The following MYT1L variants were observed in gnomAD, a reference collection of about 807,000 sequenced individuals.
MYT1L encodes the protein myelin transcription factor 1 like.
Under a neutral mutation model 126.7 loss-of-function variants are expected in MYT1L, and 12 were observed. The observed-to-expected ratio is 0.09, with a 90% CI of 0.06 to 0.15. The LOEUF is 0.15. Among genes scored for constraint, MYT1L ranks in the 10% least tolerant of loss-of-function variants. MYT1L has a pLI of 1.00. For missense variants in MYT1L, 979 were observed against 1,585.2 expected, an observed-to-expected ratio of 0.62 and a Z score of 6.49; for synonymous variants, 541 against 604.2, an observed-to-expected ratio of 0.90 and a Z score of 1.53.
intron 21 of MYT1L, among the ~76,000 whole-genome samples, chr2:1,824,159 A>T (rs1440307142): frequency 6.6e-6 from 1 of 152,254 alleles, no homozygotes; most frequent in Non-Finnish European, 1.5e-5. Context: ...AATAGCTAAT[A>T]AAGCAGACTA....
chr2:2,230,286 C>T (rs1027869662), intron 2 of MYT1L, among the ~76,000 whole-genome samples: 1 of 152,222 alleles, frequency 6.6e-6, no homozygotes, highest in Non-Finnish European at 1.5e-5. Flanking sequence ...TCGGTGAACT[C>T]ATCCCTCAGC....
chr2:2,038,493 T>C (rs1052293958), intron 4 of MYT1L, among the ~76,000 whole-genome samples: 2 of 152,168 alleles, frequency 1.3e-5, no homozygotes, highest in African/African-American at 2.4e-5. Flanking sequence ...GCTGCCTCCC[T>C]GGCGTCTCTC....
intron 3 of MYT1L, among the ~76,000 whole-genome samples, chr2:2,137,679 A>G (rs2083269869): frequency 1.3e-5 from 2 of 152,182 alleles, no homozygotes; most frequent in African/African-American, 4.8e-5. Context: ...CACCTTATAC[A>G]AAAATCAATT....
chr2:1,903,298 G>T lies in MYT1L; in HGVS notation c.1818-4C>A. 1.9e-6 allele frequency: 3 copies of T among 1,608,582 alleles called. No individual in the cohort carries two copies. ...CTGCTTCACAAAGCACATTGGCCTGGAAGTAAACAAGAAAACAAACAACAG... is the reference window on the plus strand; with the variant it reads ...CTGCTTCACAAAGCACATTGGCCTGTAAGTAAACAAGAAAACAAACAACAG... On this transcript the variant is annotated splice_polypyrimidine_tract_variant and splice_region_variant and intron_variant, in intron 13 of 24. Transcript: ENST00000647738.
At chr2:2,184,342 G>A (rs1487836717) in intron 2 of MYT1L, among the ~76,000 whole-genome samples, 1 of 152,172 alleles carries the variant, frequency 6.6e-6, no homozygotes, top group East Asian at 1.9e-4. Context: ...GACAGAGTTC[G>A]TCCCTGTAGA....
intron 21 of MYT1L, chr2:1,827,374 T>G (rs1223765505): frequency 6.6e-6 from 1 of 152,166 alleles, no homozygotes; most frequent in African/African-American, 2.4e-5. Flanking sequence ...AAACAAGGTA[T>G]GCCATTGAAA....
At chr2:1,973,859 C>T (rs995590760) in intron 8 of MYT1L, among the ~76,000 whole-genome samples, 4 of 152,232 alleles carry the variant, frequency 2.6e-5, no homozygotes, top group Non-Finnish European at 5.9e-5. Context: ...CACACCAATG[C>T]AGCGTTGCTC....
At chr2:2,086,495 C>T (rs2076363323) in intron 3 of MYT1L, among the ~76,000 whole-genome samples, 2 of 152,188 alleles carry the variant, frequency 1.3e-5, no homozygotes, top group African/African-American at 4.8e-5. Context: ...AGCTTGCCAT[C>T]ATACCCATTT....
At chr2:2,000,191 A>G (rs1007868894) in intron 4 of MYT1L, among the ~76,000 whole-genome samples, 2 of 151,968 alleles carry the variant, frequency 1.3e-5, no homozygotes, top group African/African-American at 2.4e-5. Context: ...TGTGGCCACA[A>G]CCTGGTGCAC....
At chr2:2,070,244 A>G (rs558953230) in intron 3 of MYT1L, among the ~76,000 whole-genome samples, 1 of 152,268 alleles carries the variant, frequency 6.6e-6, no homozygotes, top group African/African-American at 2.4e-5. Flanking sequence ...TTGCAAAAGG[A>G]AAGTTCATAT....
At chr2:2,142,225 A>C (rs1366495927) in intron 3 of MYT1L, among the ~76,000 whole-genome samples, 2 of 152,090 alleles carry the variant, frequency 1.3e-5, no homozygotes, top group Non-Finnish European at 2.9e-5. Context: ...TACGAGTTGC[A>C]ATCATCTACT....
At chr2:1,854,126 A>G (rs1033749869) in intron 18 of MYT1L, among the ~76,000 whole-genome samples, 1 of 152,116 alleles carries the variant, frequency 6.6e-6, no homozygotes, top group Non-Finnish European at 1.5e-5. Flanking sequence ...AAAATTTGGG[A>G]GGGTAGAATA....
intron 2 of MYT1L, among the ~76,000 whole-genome samples, chr2:2,191,063 G>T (rs564457634): frequency 5.3e-5 from 8 of 152,362 alleles, no homozygotes; most frequent in Middle Eastern, 3.4e-3. Flanking sequence ...GGGATTACAG[G>T]CGTGGGCCAC....
At chr2:2,184,743 C>T (rs915117945) in intron 2 of MYT1L, among the ~76,000 whole-genome samples, 3 of 152,130 alleles carry the variant, frequency 2.0e-5, no homozygotes, top group African/African-American at 7.2e-5. Flanking sequence ...GGGAGGAAAG[C>T]TCTGTTCTCT....
intron 3 of MYT1L, among the ~76,000 whole-genome samples, chr2:2,132,944 A>T (rs17039351): frequency 0.036 from 5,401 of 151,644 alleles, 126 homozygotes; most frequent in South Asian, 0.089. Context: ...GTCCTTAAAA[A>T]CTCCAGCCCC....
At chr2:2,328,449 G>A (rs751112605) in intron 1 of MYT1L, among the ~76,000 whole-genome samples, 18 of 152,222 alleles carry the variant, frequency 1.2e-4, no homozygotes, top group Middle Eastern at 6.8e-3. Context: ...TTATAACCCC[G>A]AAGAAGACTA....
intron 2 of MYT1L, among the ~76,000 whole-genome samples, chr2:2,238,448 T>C (rs1487887730): frequency 1.1e-4 from 16 of 152,160 alleles, no homozygotes; most frequent in Admixed American, 1.0e-3. Context: ...AAATAAGGCT[T>C]CAGTAAATAT....
chr2:2,330,769 C>A (rs1466254809), intron 1 of MYT1L, among the ~76,000 whole-genome samples, 198 bp downstream of exon 1: 1 of 152,032 alleles, frequency 6.6e-6, no homozygotes, highest in Admixed American at 6.6e-5. Context: ...CAACCTAATA[C>A]CCATTTTAGT....
chr2:1,943,448 G>C lies in MYT1L; in HGVS notation c.153-114C>G, dbSNP rs1391739399. 1 of 1,219,938 alleles carries C rather than the reference G, an allele frequency of 8.2e-7. No homozygotes were observed. Among genetic ancestry groups the C allele is most frequent in the Non-Finnish European group, 1.1e-6 (1 of 905,324 alleles). 75.6% of individuals were successfully genotyped at this position (1,219,938 alleles called of 1,614,324 possible). A position where few individuals can be genotyped will look rare whatever the true frequency, so the allele number is the denominator to read the frequency against. ...ATCAAGGTACTTAAAGGCTTATCAT[G>C]AATGTCATCAGCACAAACACCAGAG... On this transcript the variant is annotated intron_variant, in intron 8 of 24. Transcript: ENST00000647738. The surrounding 1 kb of genome is among the most constrained non-coding windows in gnomAD (Gnocchi z 4.4).
Sources: allele counts gnomAD v4.1 joint callset (sites outside exome capture counted in the v4.1 genomes callset), GRCh38; gene constraint gnomAD v4.1.1; non-coding constraint Gnocchi (gnomAD v3.1); transcripts MANE v1.5; gene names NCBI Gene and HGNC (gene_info 2026-07-23, HGNC 2026-07-21).